The following NELFA variants were observed in gnomAD, a reference collection of about 807,000 sequenced individuals.
NELFA encodes the protein negative elongation factor A.
A neutral mutation model predicts 51.8 loss-of-function variants in NELFA; 35 were observed. The ratio of observed to expected loss-of-function variants is 0.68; its 90% CI spans 0.52 to 0.90. The LOEUF is 0.90. Ranked by LOEUF, NELFA falls within the 40% of genes least tolerant of loss-of-function variation. The probability of loss-of-function intolerance (pLI) is 0.00; values close to 1 mark genes in which losing one functional copy is unlikely to be tolerated. For missense variants in NELFA, 658 were observed against 746.4 expected (o/e 0.88, Z 1.38); for synonymous variants, 417 against 338.4 (o/e 1.23, Z -2.55).
chr4:1,991,399 G>T, intron 2 of NELFA, 145 bp downstream of exon 2: 1 of 788,576 alleles, frequency 1.3e-6, no homozygotes. Context: ...TACGGGGGAG[G>T]ATGGTGCATA....
At chr4:1,986,472 C>T (rs541117148) in intron 4 of NELFA, 70 bp from the exon 5 acceptor site, 22 of 1,606,316 alleles carry the variant, frequency 1.4e-5, no homozygotes, top group Middle Eastern at 1.7e-4. Context: ...GAGCTCAGAA[C>T]GTCCCACCCT....
chr4:1,997,339 C>T (rs1231789466), intron 1 of NELFA, among the ~76,000 whole-genome samples: 2 of 152,186 alleles, frequency 1.3e-5, no homozygotes, highest in Non-Finnish European at 2.9e-5. Context: ...CCAACAAAGA[C>T]AGTCTGGGTA....
At chr4:1,999,158 A>T (rs1314977441) in intron 1 of NELFA, among the ~76,000 whole-genome samples, 1 of 151,806 alleles carries the variant, frequency 6.6e-6, no homozygotes, top group Non-Finnish European at 1.5e-5. Flanking sequence ...AGCACTAAAT[A>T]TGGAAAGAAA....
rs1226782264 is a variant in NELFA, at chr4:2,007,475, G to C, written c.210+1275C>G. Among the ~76,000 whole-genome samples, 3 of 152,320 alleles carry C rather than the reference G, an allele frequency of 2.0e-5. No individual in the cohort carries two copies. In the East Asian group the frequency reaches 5.8e-4, roughly 29 times the overall value. ...TTAAACTGCAGTCAGCTGCAACGTG[G>C]ATGAAACTGTCACGGCGTCGACCAA... On this transcript the variant is annotated intron_variant, in intron 1 of 10. Coordinates refer to ENST00000382882, the MANE Select transcript of NELFA (RefSeq NM_005663.5).
intron 1 of NELFA, among the ~76,000 whole-genome samples, chr4:1,998,713 G>C (rs1328983034): frequency 1.3e-5 from 2 of 152,190 alleles, no homozygotes; most frequent in Non-Finnish European, 2.9e-5. Context: ...ATGGAAACAA[G>C]CTGGAAAACA....
chr4:2,008,148 C>A, intron 1 of NELFA: 2 of 424,162 alleles, frequency 4.7e-6, no homozygotes, highest in Non-Finnish European at 9.5e-6. Context: ...GATCCCCGCC[C>A]TCGCCCAGGT....
At chr4:2,001,127 A>C (rs1029957085) in intron 1 of NELFA, among the ~76,000 whole-genome samples, 1 of 152,238 alleles carries the variant, frequency 6.6e-6, no homozygotes, top group Non-Finnish European at 1.5e-5. Context: ...TAAGCTAGGT[A>C]TTAATGGAAC....
At chr4:1,995,902 G>C (rs1277736697) in intron 1 of NELFA, among the ~76,000 whole-genome samples, 1 of 146,638 alleles carries the variant, frequency 6.8e-6, no homozygotes. Flanking sequence ...TTTAAACCAA[G>C]CTGCACGTGC....
At chr4:1,996,100 A>C (rs1490498055) in intron 1 of NELFA, among the ~76,000 whole-genome samples, 1 of 152,256 alleles carries the variant, frequency 6.6e-6, no homozygotes, top group African/African-American at 2.4e-5. Context: ...ATGATTCGCA[A>C]GCTTACTGGC....
At chr4:1,985,885 C>A in intron 6 of NELFA, 21 bp from the exon 7 acceptor site, 2 of 1,597,528 alleles carry the variant, frequency 1.3e-6, no homozygotes, top group Non-Finnish European at 1.7e-6. Context: ...AACAGGAGTC[C>A]TCGCCAGTGC....
chr4:1,988,065 G>A, intron 3 of NELFA, 58 bp from the exon 4 acceptor site: 2 of 1,419,440 alleles, frequency 1.4e-6, no homozygotes, highest in Non-Finnish European at 1.9e-6. Flanking sequence ...CTTGGCCCTT[G>A]TAAAAACATC....
chr4:1,994,341 G>A (rs567328185), intron 1 of NELFA, among the ~76,000 whole-genome samples: 1 of 152,262 alleles, frequency 6.6e-6, no homozygotes, highest in South Asian at 2.1e-4. Context: ...AGGGCGGGTG[G>A]ATCACTTGAG....
chr4:1,983,946 C>CCGGAGGTGTGGTGGGTGT lies in NELFA; in HGVS notation c.1186_1203dup (p.Thr396_Pro401dup), dbSNP rs749371760. 2 of 1,611,098 alleles carry CCGGAGGTGTGGTGGGTGT rather than the reference C, an allele frequency of 1.2e-6. No individual in the cohort carries two copies. The highest frequency in any genetic ancestry group is 1.7e-6 in the Non-Finnish European group (2 of 1,179,136). ...GGTGTCTGAGTGGTAGGGGCGACAG[C>CCGGAGGTGTGGTGGGTGT]CGGAGGTGTGGTGGGTGTCAGAGGC... On this transcript the variant is annotated inframe_insertion, in exon 9 of 11. Transcript: ENST00000382882.
chr4:1,998,272 C>A (rs897675532), intron 1 of NELFA, among the ~76,000 whole-genome samples: 1 of 151,654 alleles, frequency 6.6e-6, no homozygotes, highest in Non-Finnish European at 1.5e-5. Flanking sequence ...CCAAAAAGGG[C>A]GCAGAACTAG....
intron 1 of NELFA, chr4:2,007,109 C>A: frequency 2.4e-6 from 1 of 421,948 alleles, no homozygotes; most frequent in South Asian, 1.7e-5. Flanking sequence ...ACTCAGGAGG[C>A]TGAGATGGGA....
Position 1,989,944 on chromosome 4 carries a change from C to G in NELFA, c.383-75G>C. On this transcript the variant is annotated intron_variant, in intron 2 of 10. Transcript: ENST00000382882. This position sits in a 1 kb window ranked among gnomAD's most constrained non-coding sequence, Gnocchi z 4.8. ...CCGGCTGAGAGGAGCTGGCGGCTGC[C>G]CAGCCCCACACCCTCCTCAGTTAGG... 1.3e-6 allele frequency: 2 copies of G among 1,543,774 alleles called. No individual in the cohort carries two copies. The highest frequency in any genetic ancestry group is 1.8e-6 in the Non-Finnish European group (2 of 1,140,402).
At chr4:2,008,572 T>A (rs1404383616) in intron 1 of NELFA, among the ~76,000 whole-genome samples, 178 bp downstream of exon 1, 2 of 120,372 alleles carry the variant, frequency 1.7e-5, no homozygotes, top group Non-Finnish European at 3.4e-5. Context: ...AGGTGAGGAC[T>A]GGAGGGAGGT....
rs1181925651 is a variant in NELFA at position 1,991,705 on chromosome 4, G to A, written c.221C>T (p.Ala74Val). 6.2e-7 allele frequency: 1 copy of A among 1,600,642 alleles called. No homozygotes were observed. Among genetic ancestry groups the A allele is most frequent in the Non-Finnish European group, 8.5e-7 (1 of 1,174,346 alleles). Residue 74 changes from alanine to valine, a missense_variant, in exon 2 of 11, where the codon GCC becomes GTC. Coordinates refer to ENST00000382882, the MANE Select transcript of NELFA (RefSeq NM_005663.5). Reference protein sequence around the residue: ...PRRTVDEMKGALMEIIQLASL... With the variant: ...PRRTVDEMKGVLMEIIQLASL... ...GGCGAGCTGGATGATCTCCATTAGG[G>A]CGCCCTTCATCTGCAAAATAGGATG...
chr4:2,000,332 A>C (rs188138175), intron 1 of NELFA, among the ~76,000 whole-genome samples: 15 of 152,226 alleles, frequency 9.9e-5, no homozygotes, highest in East Asian at 5.8e-4. Context: ...CCTCCCCCCC[A>C]AAAAATATCA....
Sources: gnomAD v4.1 joint callset for allele counts (sites outside exome capture counted in the v4.1 genomes callset) on GRCh38, gnomAD v4.1.1 for gene constraint, Gnocchi (gnomAD v3.1) non-coding constraint, MANE v1.5 for transcripts, NCBI Gene and HGNC (gene_info 2026-07-23, HGNC 2026-07-21) for gene names.